BEND4: variants seen among roughly 807,000 people sequenced by gnomAD.
The protein encoded by BEND4 is BEN domain-containing protein 4.
Under a neutral mutation model 54.7 loss-of-function variants are expected in BEND4, and 27 were observed. The observed-to-expected ratio is 0.49, with a 90% CI of 0.36 to 0.68. The LOEUF (loss-of-function observed/expected upper bound fraction) is 0.68, where lower values mean the gene tolerates loss of function less well. Among genes scored for constraint, BEND4 ranks in the 30% least tolerant of loss-of-function variants. The pLI is 0.00. For synonymous variants in BEND4, 327 were observed against 299.5 expected (o/e 1.09, Z -0.95); for missense variants, 702 against 697.2 (o/e 1.01, Z -0.08).
Position 42,117,737 on chromosome 4 carries a change from T to A in BEND4, c.1388-2A>T. On this transcript the variant is annotated splice_acceptor_variant, in intron 5 of 5. Transcript: ENST00000502486. LOFTEE classifies it high-confidence loss of function. Reference sequence around the variant, plus strand: ...AGGTACAATGCATCCTAATGAATTCTGCAGGAATATATACAACATCAAAAA... The same window carrying A: ...AGGTACAATGCATCCTAATGAATTCAGCAGGAATATATACAACATCAAAAA... The A allele has an allele frequency of 6.3e-7, 1 of 1,584,258 alleles. No homozygotes were observed. Among genetic ancestry groups the A allele is most frequent in the Non-Finnish European group, 8.6e-7 (1 of 1,162,060 alleles).
chr4:42,113,359 G>C lies in BEND4; in HGVS notation c.*4159C>G, dbSNP rs1719651268. 1 of 152,130 alleles carries C rather than the reference G, an allele frequency of 6.6e-6. No individual in the cohort carries two copies. Among genetic ancestry groups the C allele is most frequent in the Non-Finnish European group, 1.5e-5 (1 of 68,018 alleles). The allele number at this position is 152,130 out of a possible 1,614,324, so 9.4% of individuals were successfully genotyped here. A position where few individuals can be genotyped will look rare whatever the true frequency, so the allele number is the denominator to read the frequency against. ...TAAGAAACTCAGGAGGTAGTCAATG[G>C]GTATTAGGTTTAGGTTCTAGAGCAT... On this transcript the variant is annotated 3_prime_UTR_variant, in exon 6 of 6. Transcript: ENST00000502486.
At chr4:42,131,019 G>T (rs1720487964) in intron 3 of BEND4, among the ~76,000 whole-genome samples, 1 of 152,124 alleles carries the variant, frequency 6.6e-6, no homozygotes, top group Non-Finnish European at 1.5e-5. Flanking sequence ...TAAACAACGA[G>T]AATACGTGGA....
intron 3 of BEND4, among the ~76,000 whole-genome samples, chr4:42,138,682 T>A (rs910185826): frequency 6.6e-6 from 1 of 152,226 alleles, no homozygotes; most frequent in Non-Finnish European, 1.5e-5. Context: ...CTTCATTTTG[T>A]ATACTCAAAC....
In BEND4 at chr4:42,114,455, A is replaced by C. The variant is rs549585095; in HGVS notation, c.*3063T>G. Reference sequence around the variant, plus strand: ...CGTGACCTCCTCCTCTCACCAATTAAGTGGGGGCACAGCTGCATCCTGAGC... The same window carrying C: ...CGTGACCTCCTCCTCTCACCAATTACGTGGGGGCACAGCTGCATCCTGAGC... On this transcript the variant is annotated 3_prime_UTR_variant, in exon 6 of 6. Coordinates refer to ENST00000502486, the MANE Select transcript of BEND4 (RefSeq NM_207406.4). 1 of 152,320 alleles carries C rather than the reference A, an allele frequency of 6.6e-6. No individual in the cohort carries two copies. Among genetic ancestry groups the C allele is most frequent in the Admixed American group, 6.5e-5 (1 of 15,284 alleles). The allele number at this position is 152,320 out of a possible 1,614,324, so 9.4% of individuals were successfully genotyped here.
intron 5 of BEND4, 139 bp downstream of exon 5, chr4:42,119,915 G>C (rs1719992900): frequency 1.9e-6 from 2 of 1,063,280 alleles, no homozygotes; most frequent in African/African-American, 1.6e-5. Flanking sequence ...AGACTGAGTA[G>C]ATGGGCCACA....
intron 3 of BEND4, among the ~76,000 whole-genome samples, chr4:42,141,789 A>G (rs923852235): frequency 6.6e-6 from 1 of 152,232 alleles, no homozygotes; most frequent in East Asian, 1.9e-4. Flanking sequence ...ATGCATATGT[A>G]TCAGCATTAA....
intron 4 of BEND4, among the ~76,000 whole-genome samples, chr4:42,120,631 T>C (rs1487956998): frequency 6.6e-6 from 1 of 152,194 alleles, no homozygotes; most frequent in African/African-American, 2.4e-5. Context: ...TTCAATCTAT[T>C]AAAATATGCA....
rs1175673472 is a variant in BEND4 at position 42,143,524 on chromosome 4, C to G, written c.958G>C (p.Glu320Gln). 3 of 1,553,828 alleles carry G rather than the reference C, an allele frequency of 1.9e-6. No homozygotes were observed. In the South Asian group the frequency reaches 3.6e-5, roughly 18 times the overall value. The change falls in exon 3 of 6, where the codon GAA (glutamate) becomes CAA (glutamine). Residue 320 changes from glutamate (E) to glutamine (Q), a missense_variant. Coordinates refer to ENST00000502486, the MANE Select transcript of BEND4 (RefSeq NM_207406.4). ...LPEEEEEEDE[E>Q]GYCPRCQELE... ...TCTTGGCATCGAGGACAATAGCCTT[C>G]CTCGTCCTCCTCCTCCTCCTCTTCT...
intron 4 of BEND4, among the ~76,000 whole-genome samples, chr4:42,121,209 T>G (rs558116452): frequency 1.3e-5 from 2 of 152,300 alleles, no homozygotes; most frequent in Admixed American, 6.5e-5. Flanking sequence ...GGTTATAAAT[T>G]TGGCACCATT....
rs1719603956 is a variant in BEND4 at position 42,112,280 on chromosome 4, G to A, written c.*5238C>T. The A allele has an allele frequency of 6.6e-6, 1 of 152,154 alleles. No individual in the cohort carries two copies. Among genetic ancestry groups the A allele is most frequent in the African/African-American group, 2.4e-5 (1 of 41,442 alleles). 9.4% of individuals were successfully genotyped at this position (152,154 alleles called of 1,614,324 possible). ...AACAGCCTCATAGGGTAGCTGTGAGGATTAAAATGAGAATGCATTAAAGTA... is the reference window on the plus strand; with the variant it reads ...AACAGCCTCATAGGGTAGCTGTGAGAATTAAAATGAGAATGCATTAAAGTA... On this transcript the variant is annotated 3_prime_UTR_variant, in exon 6 of 6. Transcript: ENST00000502486.
intron 3 of BEND4, among the ~76,000 whole-genome samples, chr4:42,131,906 C>T (rs1234071660): frequency 2.0e-5 from 3 of 152,182 alleles, no homozygotes; most frequent in African/African-American, 4.8e-5. Flanking sequence ...GAAGCACCCC[C>T]AGCCAAGGCC....
intron 3 of BEND4, among the ~76,000 whole-genome samples, chr4:42,142,464 A>AATAT (rs928403307): frequency 8.2e-5 from 10 of 121,216 alleles, no homozygotes; most frequent in African/African-American, 3.3e-4. Context: ...TACTAAAAAA[A>AATAT]ATATATATAT....
rs1208780925 is a variant in BEND4 at position 42,152,144 on chromosome 4, C to T, written c.-1G>A. On this transcript the variant is annotated 5_prime_UTR_variant, in exon 2 of 6. Coordinates refer to ENST00000502486, the MANE Select transcript of BEND4 (RefSeq NM_207406.4). ...CTGCCGGCTGCATCTCTTCCTCCAT[C>T]CGGCGCCTCGGGGCCGGTCCCTCGG... 3 of 1,243,070 alleles carry T rather than the reference C, an allele frequency of 2.4e-6. No individual in the cohort carries two copies. The African/African-American group carries it at 4.7e-5, about 19-fold the overall frequency. 77.0% of individuals were successfully genotyped at this position (1,243,070 alleles called of 1,614,324 possible).
chr4:42,133,691 TA>T (rs1253418912), intron 3 of BEND4, among the ~76,000 whole-genome samples: 1 of 151,994 alleles, frequency 6.6e-6, no homozygotes, highest in Non-Finnish European at 1.5e-5. Context: ...CCGTCTCTAC[TA>T]AAAATACAAA....
Position 42,151,855 on chromosome 4 carries a change from C to G in BEND4, c.289G>C (p.Ala97Pro), listed in dbSNP as rs866025967. The change falls in exon 2 of 6, where the codon GCT (alanine) becomes CCT (proline). Residue 97 changes from alanine to proline, a missense_variant. Coordinates refer to ENST00000502486, the MANE Select transcript of BEND4 (RefSeq NM_207406.4). ...GTGCAGGACGGCGACGACGACGAAG[C>G]GGCGGCGGCGGCCCGGCCGGGCCCG... Reference protein sequence around the residue: ...PPGPGRAAAAASSSSPSCTPA... With the variant: ...PPGPGRAAAAPSSSSPSCTPA... 4.6e-6 allele frequency: 6 copies of G among 1,313,124 alleles called. No individual in the cohort carries two copies. In the African/African-American group the frequency reaches 7.8e-5, roughly 17 times the overall value. 81.3% of individuals were successfully genotyped at this position (1,313,124 alleles called of 1,614,324 possible). A position where few individuals can be genotyped will look rare whatever the true frequency, so the allele number is the denominator to read the frequency against.
intron 4 of BEND4, among the ~76,000 whole-genome samples, chr4:42,121,498 T>C (rs35741556): frequency 0.36 from 54,095 of 152,120 alleles, 12,467 homozygotes; most frequent in African/African-American, 0.66. Context: ...CTGTGTCTTA[T>C]TAGACTAACG....
In BEND4 at chr4:42,111,849, C is replaced by A. The variant is rs1207449398; in HGVS notation, c.*5669G>T. The A allele has an allele frequency of 6.6e-6, 1 of 152,178 alleles. No individual in the cohort carries two copies. The highest frequency in any genetic ancestry group is 2.4e-5 in the African/African-American group (1 of 41,442). 9.4% of individuals were successfully genotyped at this position (152,178 alleles called of 1,614,324 possible). A position where few individuals can be genotyped will look rare whatever the true frequency, so the allele number is the denominator to read the frequency against. ...TCAAATGTTTGCTTTTATCTCCCTGCATTTTTGCACTAGGAACCTATGGGA... is the reference window on the plus strand; with the variant it reads ...TCAAATGTTTGCTTTTATCTCCCTGAATTTTTGCACTAGGAACCTATGGGA... On this transcript the variant is annotated 3_prime_UTR_variant, in exon 6 of 6. Transcript: ENST00000502486.
At position 42,151,672 on chromosome 4, in the gene BEND4, G is replaced by GGCTGGC. The variant is rs1721290419; in HGVS notation, c.466_471dup (p.Ala156_Ser157dup). 2 of 1,504,194 alleles carry GGCTGGC rather than the reference G, an allele frequency of 1.3e-6. No individual in the cohort carries two copies. The highest frequency in any genetic ancestry group is 1.8e-6 in the Non-Finnish European group (2 of 1,129,946). 93.2% of individuals were successfully genotyped at this position (1,504,194 alleles called of 1,614,324 possible). A position where few individuals can be genotyped will look rare whatever the true frequency, so the allele number is the denominator to read the frequency against. On this transcript the variant is annotated inframe_insertion, in exon 2 of 6. Transcript: ENST00000502486. Reference sequence around the variant, plus strand: ...GAGTTGGTACCTGCGCTGAGCTCCAGGCTGGCGCTGTCGCTACCCGTGCCG... The same window carrying GGCTGGC: ...GAGTTGGTACCTGCGCTGAGCTCCAGGCTGGCGCTGGCGCTGTCGCTACCCGTGCCG...
intron 4 of BEND4, among the ~76,000 whole-genome samples, chr4:42,124,681 G>A (rs542358248): frequency 1.3e-5 from 2 of 152,222 alleles, no homozygotes; most frequent in East Asian, 3.9e-4. Flanking sequence ...AAGAGCAAAT[G>A]GAAATTAAAA....
Sources: gnomAD v4.1 joint callset for allele counts (sites outside exome capture counted in the v4.1 genomes callset) on GRCh38, gnomAD v4.1.1 for gene constraint, MANE v1.5 for transcripts, NCBI Gene and HGNC (gene_info 2026-07-23, HGNC 2026-07-21) for gene names.